The following GAK variants were observed in gnomAD, a reference collection of about 807,000 sequenced individuals.
GAK encodes cyclin G associated kinase.
In GAK, 79 loss-of-function variants were observed where a neutral mutation model predicts 143.9. The ratio of observed to expected loss-of-function variants is 0.55; its 90% confidence interval spans 0.46 to 0.66. GAK has a LOEUF of 0.66. Among genes scored for constraint, GAK ranks in the 30% least tolerant of loss-of-function variants. GAK has a pLI of 0.00. For missense variants in GAK, 1,693 were observed against 1,779.7 expected, an observed-to-expected ratio of 0.95 and a Z score of 0.88; for synonymous variants, 881 against 765.5, an observed-to-expected ratio of 1.15 and a Z score of -2.49.
chr4:855,775 T>C (rs1425689339), intron 24 of GAK, among the ~76,000 whole-genome samples: 1 of 152,144 alleles, frequency 6.6e-6, no homozygotes, highest in Non-Finnish European at 1.5e-5. Flanking sequence ...GCCAACATGG[T>C]GAAACCATGT....
chr4:879,564 T>G (rs778747759), intron 15 of GAK, among the ~76,000 whole-genome samples: 1 of 152,238 alleles, frequency 6.6e-6, no homozygotes, highest in Admixed American at 6.5e-5. Context: ...TTGTACCTGA[T>G]GCATCTTCTT....
intron 24 of GAK, among the ~76,000 whole-genome samples, chr4:854,771 T>C (rs529248119): frequency 1.4e-4 from 21 of 152,128 alleles, no homozygotes; most frequent in South Asian, 8.3e-4. Context: ...CATGGCTGGG[T>C]GCGGTGGCTC....
chr4:890,976 G>A (rs1717528940), intron 9 of GAK, among the ~76,000 whole-genome samples: 1 of 148,494 alleles, frequency 6.7e-6, no homozygotes, highest in Non-Finnish European at 1.5e-5. Flanking sequence ...TAGAGACAGA[G>A]TCTTGCTCTG....
At chr4:899,935 G>A (rs1577229293) in intron 5 of GAK, among the ~76,000 whole-genome samples, 2 of 152,348 alleles carry the variant, frequency 1.3e-5, no homozygotes, top group South Asian at 2.1e-4. Flanking sequence ...GAGGAGATGC[G>A]GGCCACATAC....
chr4:874,570 C>T (rs565911835), intron 18 of GAK, among the ~76,000 whole-genome samples: 3 of 152,226 alleles, frequency 2.0e-5, no homozygotes, highest in East Asian at 3.9e-4. Flanking sequence ...GTCATGCATT[C>T]CCACCCCGTC....
At chr4:930,780 T>C (rs1001965276) in intron 1 of GAK, among the ~76,000 whole-genome samples, 6 of 152,182 alleles carry the variant, frequency 3.9e-5, no homozygotes, top group African/African-American at 1.4e-4. Context: ...GACCAAATCA[T>C]ACCCAAAATC....
chr4:868,627 C>G lies in GAK; in HGVS notation c.2307G>C (p.Gly769=). The change falls in exon 20 of 28, where the codon GGG becomes GGC. Residue 769 remains glycine (G), a synonymous_variant. Coordinates refer to ENST00000314167, the MANE Select transcript of GAK (RefSeq NM_005255.4). The part of the protein sequence containing the change: ...GSTAQYDAGA[G]SPEAEPTDSD... Reference sequence around the variant, plus strand: ...AGTCTGTGGGTTCGGCTTCCGGGGACCCTGCCCCAGCATCATACTGAGCCG... The same window carrying G: ...AGTCTGTGGGTTCGGCTTCCGGGGAGCCTGCCCCAGCATCATACTGAGCCG... 1 of 1,575,058 alleles carries G rather than the reference C, an allele frequency of 6.3e-7. No individual in the cohort carries two copies. The highest frequency in any genetic ancestry group is 8.6e-7 in the Non-Finnish European group (1 of 1,160,988).
Position 866,372 on chromosome 4 carries a change from A to G in GAK, c.3035T>C (p.Leu1012Pro). Residue 1012 changes from leucine (L) to proline (P), a missense_variant, in exon 22 of 28, where the codon CTG becomes CCG. By Grantham distance (98) the Leu-to-Pro change is moderately conservative. Around this residue, in one of 2 missense-constraint regions of GAK, gnomAD observed 822 missense variants for 788.7 expected, o/e 1.04. Coordinates refer to ENST00000314167, the MANE Select transcript of GAK (RefSeq NM_005255.4). ...APPPSCSADF[L>P]HLGDLPGEPS... is the part of the protein sequence containing the mutation. Reference sequence around the variant, plus strand: ...AGGCGAGAGGCACTTACCCAGGTGCAGGAAGTCGGCGCTGCAGGATGGGGG... The same window carrying G: ...AGGCGAGAGGCACTTACCCAGGTGCGGGAAGTCGGCGCTGCAGGATGGGGG... The G allele has an allele frequency of 6.2e-7, 1 of 1,613,934 alleles. No individual in the cohort carries two copies. The highest frequency in any genetic ancestry group is 1.3e-5 in the African/African-American group (1 of 75,044).
rs1052661479 is a variant in GAK at position 932,273 on chromosome 4, C to A, written c.-86G>T. The A allele has an allele frequency of 7.0e-7, 1 of 1,418,972 alleles. No homozygotes were observed. The highest frequency in any genetic ancestry group is 1.5e-5 in the African/African-American group (1 of 66,428). 87.9% of individuals were successfully genotyped at this position (1,418,972 alleles called of 1,614,324 possible). On this transcript the variant is annotated 5_prime_UTR_variant, in exon 1 of 28. Transcript: ENST00000314167. This position sits in a 1 kb window ranked among gnomAD's most constrained non-coding sequence, Gnocchi z 4.0. The stretch of plus-strand genomic sequence containing the variant: ...TCGCCGTCCGGGTCAGCTCAGCAAC[C>A]GCCGGCCCGGAGGTGCACCATCTTC...
At chr4:889,124 GCA>G (rs1377742819) in intron 10 of GAK, among the ~76,000 whole-genome samples, 154 bp from the exon 11 acceptor site, 4 of 152,158 alleles carry the variant, frequency 2.6e-5, no homozygotes, top group Admixed American at 1.3e-4. Context: ...CTGGGCCCAG[GCA>G]GCAGGAGCAG....
chr4:929,585 A>C (rs1400197832), intron 1 of GAK, among the ~76,000 whole-genome samples: 1 of 152,174 alleles, frequency 6.6e-6, no homozygotes, highest in Non-Finnish European at 1.5e-5. Flanking sequence ...TAGGTGCAGC[A>C]GCACATGCCT....
chr4:852,000 G>A (rs368101195), intron 24 of GAK, 26 bp from the exon 25 acceptor site: 51 of 1,588,620 alleles, frequency 3.2e-5, no homozygotes, highest in African/African-American at 2.1e-4. Flanking sequence ...TCGGAAACTC[G>A]GCATCTGGTT....
intron 11 of GAK, chr4:887,847 A>G (rs1430390799): frequency 6.6e-6 from 1 of 152,464 alleles, no homozygotes; most frequent in Non-Finnish European, 1.5e-5. Flanking sequence ...ACCAGCACAC[A>G]TGCTCATACC....
At position 866,495 on chromosome 4, in the gene GAK, T is replaced by G. The variant is rs752214040; in HGVS notation, c.2912A>C (p.Asn971Thr). 7 of 1,613,484 alleles carry G rather than the reference T, an allele frequency of 4.3e-6. No individual in the cohort carries two copies. The highest frequency in any genetic ancestry group is 5.9e-6 in the Non-Finnish European group (7 of 1,179,834). The part of the protein sequence containing the change: ...FGPLLPSSGN[N>T]SQPCSNPDLF... ...ATCAGGATTGGAGCAGGGCTGGGAG[T>G]TGTTGCCTGAAGACGGCAGAAGCGG... Residue 971 changes from asparagine to threonine, a missense_variant, in exon 22 of 28, where the codon AAC becomes ACC. Physicochemically the swap from Asn to Thr is moderately conservative, Grantham distance 65. Coordinates refer to ENST00000314167, the MANE Select transcript of GAK (RefSeq NM_005255.4).
chr4:921,110 CT>C (rs369937374), intron 1 of GAK, among the ~76,000 whole-genome samples: 8 of 148,670 alleles, frequency 5.4e-5, no homozygotes, highest in South Asian at 2.1e-4. Flanking sequence ...TCTTCTTTTT[CT>C]TTTTTTTTTG....
intron 24 of GAK, among the ~76,000 whole-genome samples, chr4:854,118 CTTTTTT>C (rs573575985): frequency 2.2e-5 from 3 of 139,288 alleles, no homozygotes; most frequent in South Asian, 2.3e-4. Context: ...CATTTTCTTT[CTTTTTT>C]TTTTTTTTTT....
chr4:860,195 G>A (rs911564111), intron 23 of GAK, among the ~76,000 whole-genome samples: 2 of 148,916 alleles, frequency 1.3e-5, no homozygotes, highest in South Asian at 2.1e-4. Context: ...GGGGGGCTGC[G>A]GTGGGAGGAT....
intron 24 of GAK, chr4:852,213 C>G (rs1560271668): frequency 1.7e-6 from 1 of 591,026 alleles, no homozygotes; most frequent in African/African-American, 1.9e-5. Context: ...GACACCAGGA[C>G]AGGGCAGCTG....
chr4:875,949 A>G (rs998126758), intron 18 of GAK, among the ~76,000 whole-genome samples: 1 of 152,246 alleles, frequency 6.6e-6, no homozygotes, highest in African/African-American at 2.4e-5. Flanking sequence ...TCAAAAAAAA[A>G]GACAGACCTC....
Sources: gnomAD v4.1 joint callset for allele counts (sites outside exome capture counted in the v4.1 genomes callset) on GRCh38, gnomAD v4.1.1 for gene constraint, gnomAD v4.1.1 regional missense constraint, Gnocchi (gnomAD v3.1) non-coding constraint, MANE v1.5 for transcripts, NCBI Gene and HGNC (gene_info 2026-07-23, HGNC 2026-07-21) for gene names.